DYNC1I2: variants seen among roughly 807,000 people sequenced by gnomAD.
DYNC1I2 encodes dynein cytoplasmic 1 intermediate chain 2.
In DYNC1I2, 53 loss-of-function variants were observed where a neutral mutation model predicts 88.6. That is an observed-to-expected ratio of 0.60 (90% confidence interval 0.48 to 0.75). DYNC1I2 has a LOEUF of 0.75. Ranked by LOEUF, DYNC1I2 falls within the 30% of genes least tolerant of loss-of-function variation. The pLI is 0.00. For synonymous variants in DYNC1I2, 198 were observed against 254.6 expected, an observed-to-expected ratio of 0.78 and a Z score of 2.12; for missense variants, 458 against 766.6, an observed-to-expected ratio of 0.60 and a Z score of 4.75.
At position 171,697,144 on chromosome 2, in the gene DYNC1I2, G is replaced by T. The variant is rs192311404; in HGVS notation, c.226+4250G>T. ...GCCTCCCAAGTAGCTGGGAACATAG[G>T]TGCACACCACCATGCCCAACTAATT... On this transcript the variant is annotated intron_variant, in intron 3 of 17. Coordinates refer to ENST00000397119, the MANE Select transcript of DYNC1I2 (RefSeq NM_001378.3). 1.5e-3 allele frequency among the ~76,000 whole-genome samples: 221 copies of T among 152,036 alleles called. 1 individual carries two copies. The highest frequency in any genetic ancestry group is 2.8e-3 in the Non-Finnish European group (188 of 67,972).
rs1688213495 is a variant in DYNC1I2, at chr2:171,725,789, A to G, written c.607+76A>G. On this transcript the variant is annotated intron_variant, in intron 8 of 17. Transcript: ENST00000397119. ...TCCTTTTATTATGTATTAAAGTAGG[A>G]TGAAATGCTGTAAATCAAATAAGTG... 4 of 1,272,672 alleles carry G rather than the reference A, an allele frequency of 3.1e-6. No homozygotes were observed. In the Middle Eastern group the frequency reaches 5.7e-4, roughly 181 times the overall value. 78.8% of individuals were successfully genotyped at this position (1,272,672 alleles called of 1,614,324 possible).
chr2:171,728,699 T>C lies in DYNC1I2; in HGVS notation c.1258-18T>C, dbSNP rs1349630437. 5 of 1,529,626 alleles carry C rather than the reference T, an allele frequency of 3.3e-6. No individual in the cohort carries two copies. The Admixed American group carries it at 9.3e-5, about 29-fold the overall frequency. The allele number at this position is 1,529,626 out of a possible 1,614,324, so 94.8% of individuals were successfully genotyped here. A position where few individuals can be genotyped will look rare whatever the true frequency, so the allele number is the denominator to read the frequency against. On this transcript the variant is annotated intron_variant, in intron 13 of 17. Coordinates refer to ENST00000397119, the MANE Select transcript of DYNC1I2 (RefSeq NM_001378.3). ...ATTGCAAGTTTACAAACTAATTTTCTCAGGTTTTTCTATGTAGGATAGCAT... is the reference window on the plus strand; with the variant it reads ...ATTGCAAGTTTACAAACTAATTTTCCCAGGTTTTTCTATGTAGGATAGCAT...
chr2:171,689,839 C>T (rs901603798), intron 1 of DYNC1I2, among the ~76,000 whole-genome samples: 20 of 150,100 alleles, frequency 1.3e-4, no homozygotes, highest in African/African-American at 3.9e-4. Context: ...GTTGGGACTA[C>T]AGGCACATGC....
chr2:171,687,596 T>C lies in DYNC1I2; in HGVS notation c.-41T>C, dbSNP rs1482207123. The C allele has an allele frequency of 6.6e-6, 1 of 152,200 alleles. No individual in the cohort carries two copies. The highest frequency in any genetic ancestry group is 1.5e-5 in the Non-Finnish European group (1 of 68,046). The allele number at this position is 152,200 out of a possible 1,614,324, so 9.4% of individuals were successfully genotyped here. ...AGGCCCCTGGGTTGACTGGGTTCTT[T>C]GTTTTATCTACCGGCTTCTGCTTTA... On this transcript the variant is annotated 5_prime_UTR_variant, in exon 1 of 18. Transcript: ENST00000397119.
intron 11 of DYNC1I2, among the ~76,000 whole-genome samples, chr2:171,727,189 G>A (rs1688310222): frequency 6.6e-6 from 1 of 152,092 alleles, no homozygotes; most frequent in Non-Finnish European, 1.5e-5. Context: ...GTGATTGACT[G>A]TATAAAAGGA....
At chr2:171,703,576 TA>T (rs1186592983) in intron 3 of DYNC1I2, among the ~76,000 whole-genome samples, 2 of 152,122 alleles carry the variant, frequency 1.3e-5, no homozygotes, top group African/African-American at 4.8e-5. Context: ...TGTAATGCTC[TA>T]AATCACATTG....
chr2:171,697,681 C>T (rs1199019429), intron 3 of DYNC1I2, among the ~76,000 whole-genome samples: 4 of 136,392 alleles, frequency 2.9e-5, no homozygotes, highest in African/African-American at 1.2e-4. Flanking sequence ...GACCCTGTCT[C>T]TACAAAAAAA....
At chr2:171,737,911 G>A (rs111752072) in intron 15 of DYNC1I2, among the ~76,000 whole-genome samples, 2,492 of 151,770 alleles carry the variant, frequency 0.016, 58 homozygotes, top group African/African-American at 0.053. Flanking sequence ...TCACCCAGGT[G>A]CTCAGCCTAG....
At chr2:171,704,305 A>G (rs1267092801) in intron 3 of DYNC1I2, among the ~76,000 whole-genome samples, 2 of 149,766 alleles carry the variant, frequency 1.3e-5, no homozygotes, top group Admixed American at 6.7e-5. Context: ...CACATTACCT[A>G]CATGATCAGT....
chr2:171,740,158 G>A (rs540412805), intron 15 of DYNC1I2, among the ~76,000 whole-genome samples: 1 of 152,104 alleles, frequency 6.6e-6, no homozygotes, highest in Non-Finnish European at 1.5e-5. Flanking sequence ...GCATTCCTGT[G>A]GTGTCATTCA....
chr2:171,746,144 C>A (rs576177210), intron 17 of DYNC1I2, among the ~76,000 whole-genome samples: 83 of 152,244 alleles, frequency 5.5e-4, no homozygotes, highest in African/African-American at 1.9e-3. Context: ...GAGGGTAATA[C>A]AATAAATACA....
chr2:171,735,195 G>T (rs1337371908), intron 15 of DYNC1I2, among the ~76,000 whole-genome samples: 1 of 152,060 alleles, frequency 6.6e-6, no homozygotes, highest in African/African-American at 2.4e-5. Context: ...TCTCAATTTG[G>T]CACAGCCTCA....
intron 3 of DYNC1I2, among the ~76,000 whole-genome samples, chr2:171,700,722 C>A (rs1217754953): frequency 2.0e-5 from 3 of 152,102 alleles, no homozygotes; most frequent in Admixed American, 6.6e-5. Context: ...AGCTTCACCC[C>A]CTGGGTTCCC....
At chr2:171,705,356 T>G (rs1686599191) in intron 3 of DYNC1I2, among the ~76,000 whole-genome samples, 1 of 152,104 alleles carries the variant, frequency 6.6e-6, no homozygotes, top group African/African-American at 2.4e-5. Flanking sequence ...CATGTTAAAC[T>G]GAAAAAGAAT....
At chr2:171,714,678 G>A (rs1349159503) in intron 6 of DYNC1I2, among the ~76,000 whole-genome samples, 6 of 152,252 alleles carry the variant, frequency 3.9e-5, no homozygotes, top group Admixed American at 3.3e-4. Context: ...TAGATTTATG[G>A]TATTCAAAAG....
At chr2:171,726,466 T>C in intron 10 of DYNC1I2, 173 bp downstream of exon 10, 1 of 574,886 alleles carries the variant, frequency 1.7e-6, no homozygotes, top group South Asian at 2.9e-5. Flanking sequence ...GAAGAAAGAT[T>C]AGAAGCATTA....
chr2:171,736,444 G>A (rs1689014049), intron 15 of DYNC1I2, among the ~76,000 whole-genome samples: 1 of 152,194 alleles, frequency 6.6e-6, no homozygotes, highest in Admixed American at 6.5e-5. Flanking sequence ...AGCCTGACCA[G>A]CTCATTGTTT....
At chr2:171,706,500 G>A in intron 3 of DYNC1I2, 47 bp from the exon 4 acceptor site, 1 of 1,536,334 alleles carries the variant, frequency 6.5e-7, no homozygotes, top group Admixed American at 1.7e-5. Context: ...CTATAAGAAG[G>A]GATTAAGAAT....
chr2:171,714,665 T>C lies in DYNC1I2; in HGVS notation c.396-663T>C, dbSNP rs966494895. On this transcript the variant is annotated intron_variant, in intron 6 of 17. Coordinates refer to ENST00000397119, the MANE Select transcript of DYNC1I2 (RefSeq NM_001378.3). ...CTGTATTTCTAAACAGAAGTGACTT[T>C]AGTAGATTTATGGTATTCAAAAGAT... Among the ~76,000 whole-genome samples, 58 of 152,226 alleles carry C rather than the reference T, an allele frequency of 3.8e-4. 1 individual carries two copies. Among genetic ancestry groups the C allele is most frequent in the African/African-American group, 1.4e-3 (56 of 41,472 alleles).
Sources: allele counts gnomAD v4.1 joint callset (sites outside exome capture counted in the v4.1 genomes callset), GRCh38; gene constraint gnomAD v4.1.1; transcripts MANE v1.5; gene names NCBI Gene and HGNC (gene_info 2026-07-23, HGNC 2026-07-21).